MUC5B: variants seen among roughly 807,000 people sequenced by gnomAD.
MUC5B encodes the protein mucin-5B.
MUC5B carries 116 observed loss-of-function variants against 376.9 expected under a neutral mutation model. That is an observed-to-expected ratio of 0.31 (90% CI 0.26 to 0.36). The LOEUF (loss-of-function observed/expected upper bound fraction) is 0.36, where lower values mean the gene tolerates loss of function less well. MUC5B is among the 10% of genes least tolerant of loss of function. The pLI, the probability that MUC5B is intolerant of heterozygous loss-of-function variation, is 1.00. For synonymous variants in MUC5B, 3,517 were observed against 3,390.9 expected (o/e 1.04, Z -1.29); for missense variants, 7,165 against 7,769.9 (o/e 0.92, Z 2.93).
intron 11 of MUC5B, 50 bp from the exon 12 acceptor site, chr11:1,230,440 C>T: frequency 2.7e-6 from 4 of 1,491,598 alleles, no homozygotes; most frequent in East Asian, 2.5e-5. Flanking sequence ...CTGGGGGGCA[C>T]CCCACATCAT....
rs200405882 is a variant in MUC5B, at chr11:1,249,913, G to T, written c.13033G>T (p.Val4345Leu). 4.4e-6 allele frequency: 7 copies of T among 1,587,946 alleles called. No individual in the cohort carries two copies. Among genetic ancestry groups the T allele is most frequent in the Non-Finnish European group, 5.1e-6 (6 of 1,171,756 alleles). Residue 4345 changes from valine to leucine, a missense_variant, in exon 31 of 49, where the codon GTG becomes TTG. Coordinates refer to ENST00000529681, the MANE Select transcript of MUC5B (RefSeq NM_002458.3). ...GTLPEQTTTP[V>L]ATMSTIHPSS... Reference sequence around the variant, plus strand: ...CCTCCCAGAACAGACCACCACACCCGTGGCCACCATGTCCACAATCCACCC... The same window carrying T: ...CCTCCCAGAACAGACCACCACACCCTTGGCCACCATGTCCACAATCCACCC...
chr11:1,235,201 G>A lies in MUC5B; in HGVS notation c.2747G>A (p.Ser916Asn). ...GGCGATCGCTACAGCTTTGAAGGCA[G>A]CTGCGAGTACATCTTGGCCCAGGTA... The part of the protein sequence containing the change: ...FDGDRYSFEG[S>N]CEYILAQDYC... Residue 916 changes from serine (S) to asparagine (N), a missense_variant, in exon 22 of 49, where the codon AGC becomes AAC. Coordinates refer to ENST00000529681, the MANE Select transcript of MUC5B (RefSeq NM_002458.3). 1.2e-6 allele frequency: 2 copies of A among 1,613,020 alleles called. No individual in the cohort carries two copies. The highest frequency in any genetic ancestry group is 8.5e-7 in the Non-Finnish European group (1 of 1,179,616).
intron 12 of MUC5B, 42 bp from the exon 13 acceptor site, chr11:1,230,894 G>T: frequency 6.4e-7 from 1 of 1,555,050 alleles, no homozygotes; most frequent in Non-Finnish European, 8.7e-7. Flanking sequence ...TCGGGAATGG[G>T]TTCCTCCCCA....
In MUC5B at chr11:1,242,839, T is replaced by C. The variant is rs1438866628; in HGVS notation, c.5959T>C (p.Ser1987Pro). 1 of 1,607,442 alleles carries C rather than the reference T, an allele frequency of 6.2e-7. No homozygotes were observed. Among genetic ancestry groups the C allele is most frequent in the East Asian group, 2.2e-5 (1 of 44,598 alleles). ...ATSVTPIPSS[S>P]LGTTWTRLSQ... ...CAGCGTTACACCCATCCCCTCTTCC[T>C]CCCTGGGCACCACCTGGACCCGCCT... Residue 1987 changes from serine to proline, a missense_variant, in exon 31 of 49, where the codon TCC becomes CCC. Ser to Pro is a moderately conservative substitution (Grantham distance 74). Around this residue, in one of 31 missense-constraint regions of MUC5B, gnomAD observed 897 missense variants for 779.6 expected, o/e 1.15. Transcript: ENST00000529681.
chr11:1,249,236 C>G lies in MUC5B; in HGVS notation c.12356C>G (p.Pro4119Arg). Residue 4119 changes from proline to arginine, a missense_variant, in exon 31 of 49, where the codon CCC (proline) becomes CGC (arginine). Coordinates refer to ENST00000529681, the MANE Select transcript of MUC5B (RefSeq NM_002458.3). ...CTGCCCAGCAGCCCCACATCGGCCC[C>G]CATAACCACGGTGGTGACCACGGGC... ...TLLPSSPTSA[P>R]ITTVVTTGCE... is the part of the protein sequence containing the mutation. 2 of 1,611,558 alleles carry G rather than the reference C, an allele frequency of 1.2e-6. No individual in the cohort carries two copies. Among genetic ancestry groups the G allele is most frequent in the Non-Finnish European group, 1.7e-6 (2 of 1,179,598 alleles).
rs1861892292 is a variant in MUC5B, at chr11:1,226,728, G to C, written c.313G>C (p.Glu105Gln). 1 of 1,612,806 alleles carries C rather than the reference G, an allele frequency of 6.2e-7. No individual in the cohort carries two copies. The highest frequency in any genetic ancestry group is 8.5e-7 in the Non-Finnish European group (1 of 1,179,834). The change falls in exon 4 of 49, where the codon GAG becomes CAG. Residue 105 changes from glutamate to glutamine, a missense_variant. This residue lies in a region of MUC5B where 640 missense variants were observed against 733.0 expected (regional missense o/e 0.87). Transcript: ENST00000529681. ...FPGLCNYVFS[E>Q]HCRAAYEDFN... is the part of the protein sequence containing the mutation. Reference sequence around the variant, plus strand: ...TGGCCTTTGCAACTACGTGTTCTCTGAGCACTGCCGCGCCGCCTACGAGGA... The same window carrying C: ...TGGCCTTTGCAACTACGTGTTCTCTCAGCACTGCCGCGCCGCCTACGAGGA...
At position 1,257,163 on chromosome 11, in the gene MUC5B, G is replaced by A; in HGVS notation, c.16238-77G>A. On this transcript the variant is annotated intron_variant, in intron 39 of 48. Coordinates refer to ENST00000529681, the MANE Select transcript of MUC5B (RefSeq NM_002458.3). The surrounding 1 kb of genome is among the most constrained non-coding windows in gnomAD (Gnocchi z 8.9). ...GGGGGGAAGCAGGCTCCAGGCCTGA[G>A]AGCACCTCCCATGGCCAGAGGCCCC... is the stretch of plus-strand genomic sequence containing the variant. The A allele has an allele frequency of 2.6e-6, 2 of 777,528 alleles. No homozygotes were observed. The highest frequency in any genetic ancestry group is 2.7e-5 in the South Asian group (2 of 74,244). The allele number at this position is 777,528 out of a possible 1,614,324, so 48.2% of individuals were successfully genotyped here.
chr11:1,229,092 C>A, intron 8 of MUC5B, 78 bp from the exon 9 acceptor site: 1 of 1,423,346 alleles, frequency 7.0e-7, no homozygotes, highest in Non-Finnish European at 9.3e-7. Context: ...TGTGGAAGGC[C>A]GTGGAAGGCG....
In MUC5B at chr11:1,229,802, C is replaced by T. The variant is rs756339056; in HGVS notation, c.1215C>T (p.Ser405=). Reference sequence around the variant, plus strand: ...GCACCTCCTTCAACACCACCTGCAGCTCCTGGTACTTATGAGCCCACCAGC... The same window carrying T: ...GCACCTCCTTCAACACCACCTGCAGTTCCTGGTACTTATGAGCCCACCAGC... ...SPGTSFNTTC[S]SCTCSGGLWQ... is the part of the protein sequence containing the mutation. Residue 405 remains serine, a synonymous_variant, in exon 10 of 49, where the codon AGC becomes AGT. Coordinates refer to ENST00000529681, the MANE Select transcript of MUC5B (RefSeq NM_002458.3). 2.5e-6 allele frequency: 4 copies of T among 1,597,554 alleles called. No individual in the cohort carries two copies. The highest frequency in any genetic ancestry group is 2.6e-6 in the Non-Finnish European group (3 of 1,173,510).
In MUC5B at chr11:1,235,027, C is replaced by G. The variant is rs1459947573; in HGVS notation, c.2631-58C>G. ...ACCTGCACAGGCCTGGGTGCCGGGT[C>G]TCAGGAAGGCCGGGAGAGCAGGCCC... On this transcript the variant is annotated intron_variant, in intron 21 of 48. Coordinates refer to ENST00000529681, the MANE Select transcript of MUC5B (RefSeq NM_002458.3). The G allele has an allele frequency of 1.9e-6, 3 of 1,558,150 alleles. No individual in the cohort carries two copies. The African/African-American group carries it at 4.1e-5, about 21-fold the overall frequency.
chr11:1,224,705 C>T (rs977974429), intron 1 of MUC5B, among the ~76,000 whole-genome samples: 1 of 152,076 alleles, frequency 6.6e-6, no homozygotes, highest in African/African-American at 2.4e-5. Context: ...GATCGGCTGG[C>T]TTTCTGGGAA....
At position 1,251,727 on chromosome 11, in the gene MUC5B, A is replaced by T; in HGVS notation, c.14847A>T (p.Gly4949=). The T allele has an allele frequency of 3.1e-6, 5 of 1,603,774 alleles. No homozygotes were observed. The highest frequency in any genetic ancestry group is 3.4e-6 in the Non-Finnish European group (4 of 1,173,392). The change falls in exon 31 of 49, where the codon GGA becomes GGT. Residue 4949 remains glycine (G), a synonymous_variant. Coordinates refer to ENST00000529681, the MANE Select transcript of MUC5B (RefSeq NM_002458.3). ...FSTPCFCRAF[G]QFFSPGEVIY... is the part of the protein sequence containing the mutation. ...CTCCCTGCTTCTGCAGGGCATTTGGACAGTTTTTCTCGCCCGGTGAGTGCA... is the reference window on the plus strand; with the variant it reads ...CTCCCTGCTTCTGCAGGGCATTTGGTCAGTTTTTCTCGCCCGGTGAGTGCA...
In MUC5B at chr11:1,242,356, A is replaced by G. The variant is rs1375929525; in HGVS notation, c.5476A>G (p.Lys1826Glu). The change falls in exon 31 of 49, where the codon AAG (lysine) becomes GAG (glutamate). Residue 1826 changes from lysine (K) to glutamate (E), a missense_variant. Transcript: ENST00000529681. ...AAGGKMCWAP[K>E]SIECRAENYP... ...TGGGGGCAAGATGTGCTGGGCACCAAAGAGCATAGAGTGCCGGGCGGAGAA... is the reference window on the plus strand; with the variant it reads ...TGGGGGCAAGATGTGCTGGGCACCAGAGAGCATAGAGTGCCGGGCGGAGAA... 3 of 1,613,736 alleles carry G rather than the reference A, an allele frequency of 1.9e-6. No individual in the cohort carries two copies. The highest frequency in any genetic ancestry group is 3.3e-5 in the Admixed American group (2 of 59,990).
In MUC5B at chr11:1,244,157, C is replaced by T. The variant is rs779781429; in HGVS notation, c.7277C>T (p.Pro2426Leu). Residue 2426 changes from proline to leucine, a missense_variant, in exon 31 of 49, where the codon CCC (proline) becomes CTC (leucine). By Grantham distance (98) the Pro-to-Leu change is moderately conservative. Coordinates refer to ENST00000529681, the MANE Select transcript of MUC5B (RefSeq NM_002458.3). ...CCGGCCACCAGCTCTACGGCCATGC[C>T]CTCCTCCACTCCGGGGACGACCTGG... ...STPATSSTAM[P>L]SSTPGTTWIL... The T allele has an allele frequency of 6.2e-7, 1 of 1,613,454 alleles. No homozygotes were observed. Among genetic ancestry groups the T allele is most frequent in the Non-Finnish European group, 8.5e-7 (1 of 1,179,784 alleles).
intron 26 of MUC5B, 91 bp from the exon 27 acceptor site, chr11:1,239,347 A>G: frequency 6.8e-7 from 1 of 1,476,890 alleles, no homozygotes; most frequent in Non-Finnish European, 9.1e-7. Flanking sequence ...CTCTGGGGAC[A>G]CCGGCCCCCA....
chr11:1,251,207 C>A lies in MUC5B; in HGVS notation c.14327C>A (p.Ser4776Tyr). The A allele has an allele frequency of 2.5e-6, 4 of 1,611,432 alleles. 1 individual carries two copies. Among genetic ancestry groups the A allele is most frequent in the Non-Finnish European group, 3.4e-6 (4 of 1,178,310 alleles). The change falls in exon 31 of 49, where the codon TCC becomes TAC. Residue 4776 changes from serine to tyrosine, a missense_variant. By Grantham distance (144) the Ser-to-Tyr change is moderately radical. Transcript: ENST00000529681. Reference sequence around the variant, plus strand: ...ACCACCACACCCATGTCCACCATGTCCACAATCCACACCTCCTCTACTCCA... The same window carrying A: ...ACCACCACACCCATGTCCACCATGTACACAATCCACACCTCCTCTACTCCA... Reference protein sequence around the residue: ...AQTTTPMSTMSTIHTSSTPET... With the variant: ...AQTTTPMSTMYTIHTSSTPET...
intron 25 of MUC5B, 43 bp downstream of exon 25, chr11:1,237,207 A>T (rs1862180526): frequency 7.4e-7 from 1 of 1,360,528 alleles, no homozygotes; most frequent in Non-Finnish European, 9.5e-7. Flanking sequence ...TGGGGATGGC[A>T]GTTGCTTCCT....
In MUC5B at chr11:1,251,249, C is replaced by A. The variant is rs1490457805; in HGVS notation, c.14369C>A (p.Ser4790Tyr). 1.2e-6 allele frequency: 2 copies of A among 1,611,376 alleles called. No homozygotes were observed. The highest frequency in any genetic ancestry group is 1.7e-6 in the Non-Finnish European group (2 of 1,178,308). Residue 4790 changes from serine (S) to tyrosine (Y), a missense_variant, in exon 31 of 49, where the codon TCC becomes TAC. Physicochemically the swap from Ser to Tyr is moderately radical, Grantham distance 144. Transcript: ENST00000529681. ...TCTACTCCAGAGACCACCCACACCTCCACAGTGCTGACCACCACAGCCACC... is the reference window on the plus strand; with the variant it reads ...TCTACTCCAGAGACCACCCACACCTACACAGTGCTGACCACCACAGCCACC... The part of the protein sequence containing the change: ...TSSTPETTHT[S>Y]TVLTTTATMT...
rs367963212 is a variant in MUC5B at position 1,241,485 on chromosome 11, C to T, written c.4605C>T (p.Ala1535=). The stretch of plus-strand genomic sequence containing the variant: ...TTGAGTCCTACGATAAGATCAGGGC[C>T]GCTGGAGGGCACTTATGCCAGCAGC... ...GDVESYDKIR[A]AGGHLCQQPK... is the part of the protein sequence containing the mutation. Residue 1535 remains alanine, a synonymous_variant, in exon 31 of 49, where the codon GCC becomes GCT. Transcript: ENST00000529681. The T allele has an allele frequency of 4.6e-4, 746 of 1,613,720 alleles. 6 individuals are homozygous for T. In the African/African-American group the frequency reaches 7.9e-3, roughly 17 times the overall value.
Sources: allele counts gnomAD v4.1 joint callset (sites outside exome capture counted in the v4.1 genomes callset), GRCh38; gene constraint gnomAD v4.1.1; regional missense constraint gnomAD v4.1.1; non-coding constraint Gnocchi (gnomAD v3.1); transcripts MANE v1.5; gene names NCBI Gene and HGNC (gene_info 2026-07-23, HGNC 2026-07-21).